The following ARHGAP26 variants were observed in gnomAD, a reference collection of about 807,000 sequenced individuals.
ARHGAP26 encodes Rho GTPase activating protein 26.
In ARHGAP26, 38 loss-of-function variants were observed where a neutral mutation model predicts 104.8. That is an observed-to-expected ratio of 0.36 (90% confidence interval 0.28 to 0.48). The LOEUF is 0.48. ARHGAP26 is among the 20% of genes least tolerant of loss of function. ARHGAP26 has a pLI of 0.99. For synonymous variants in ARHGAP26, 341 were observed against 340.0 expected (o/e 1.00, Z -0.03); for missense variants, 704 against 947.9 (o/e 0.74, Z 3.38).
chr5:142,949,232 G>GAGAGGAGAGAGAGA lies in ARHGAP26; in HGVS notation c.1107+17107_1107+17108insAGAGGAGAGAGAGA, dbSNP rs11369150. ...GAGAGAGAGAGAGAGGAGAGAGAGAGGAGAGAGAGAGAGAGAGAGAGAGAG... is the reference window on the plus strand; with the variant it reads ...GAGAGAGAGAGAGAGGAGAGAGAGAGAGAGGAGAGAGAGAGAGAGAGAGAGAGAGAGAGAGAGAG... On this transcript the variant is annotated intron_variant, in intron 11 of 22. Transcript: ENST00000645722. 3.3e-4 allele frequency among the ~76,000 whole-genome samples: 9 copies of GAGAGGAGAGAGAGA among 27,338 alleles called. 1 individual carries two copies. The highest frequency in any genetic ancestry group is 2.2e-3 in the African/African-American group (7 of 3,250). The allele number at this position is 27,338 out of a possible 152,430, so 17.9% of individuals were successfully genotyped here.
chr5:143,037,980 G>A (rs13180681), intron 13 of ARHGAP26, among the ~76,000 whole-genome samples: 2 of 152,058 alleles, frequency 1.3e-5, no homozygotes, highest in Non-Finnish European at 2.9e-5. Context: ...AAGGAGGCTG[G>A]TTCATCCTGA....
intron 17 of ARHGAP26, among the ~76,000 whole-genome samples, chr5:143,101,704 C>G (rs1169255508): frequency 6.6e-6 from 1 of 151,742 alleles, no homozygotes; most frequent in African/African-American, 2.4e-5. Context: ...TGCTTCCTAC[C>G]TCCCTCTCTC....
intron 11 of ARHGAP26, among the ~76,000 whole-genome samples, chr5:142,954,532 A>G (rs894307885): frequency 1.3e-5 from 2 of 152,138 alleles, no homozygotes; most frequent in African/African-American, 2.4e-5. Context: ...TCTTAAGAAC[A>G]CTCAGGTTCC....
At chr5:143,079,824 T>G (rs984547833) in intron 17 of ARHGAP26, among the ~76,000 whole-genome samples, 1 of 152,078 alleles carries the variant, frequency 6.6e-6, no homozygotes, top group African/African-American at 2.4e-5. Flanking sequence ...GACAGAAGCT[T>G]TGCAGGGCCT....
intron 1 of ARHGAP26, among the ~76,000 whole-genome samples, chr5:142,840,953 C>A (rs1400508069): frequency 6.6e-6 from 1 of 152,132 alleles, no homozygotes; most frequent in Non-Finnish European, 1.5e-5. Context: ...TATGTGTTTT[C>A]CTTGAGATGG....
At chr5:143,079,325 C>CAGA (rs1303658004) in intron 17 of ARHGAP26, among the ~76,000 whole-genome samples, 7 of 152,214 alleles carry the variant, frequency 4.6e-5, no homozygotes, top group Non-Finnish European at 8.8e-5. Context: ...ACTGCTAGAG[C>CAGA]AGAAACCTCC....
At chr5:143,057,153 G>T (rs73796540) in intron 16 of ARHGAP26, among the ~76,000 whole-genome samples, 8,298 of 152,196 alleles carry the variant, frequency 0.055, 780 homozygotes, top group African/African-American at 0.19. Flanking sequence ...TAGCAGGCTG[G>T]TTGTCATATG....
chr5:142,828,926 A>G (rs908195390), intron 1 of ARHGAP26, among the ~76,000 whole-genome samples: 2 of 152,174 alleles, frequency 1.3e-5, no homozygotes, highest in East Asian at 1.9e-4. Flanking sequence ...CCTCAGTCCA[A>G]AGCAGCTAGA....
At chr5:143,160,450 T>TACC (rs1801081183) in intron 20 of ARHGAP26, among the ~76,000 whole-genome samples, 1 of 151,174 alleles carries the variant, frequency 6.6e-6, no homozygotes, top group African/African-American at 2.4e-5. Context: ...GTAAGGCCTT[T>TACC]ACCAAGAAGT....
rs1441581151 is a variant in ARHGAP26 at position 143,150,960 on chromosome 5, C to T, written c.1988+3579C>T. Among the ~76,000 whole-genome samples the T allele has an allele frequency of 2.6e-5, 4 of 152,308 alleles. No homozygotes were observed. In the East Asian group the frequency reaches 5.8e-4, roughly 22 times the overall value. On this transcript the variant is annotated intron_variant, in intron 20 of 22. Transcript: ENST00000645722. ...CTAAAAACTTCTGCTCTGTGAAAGACACTCAAGAGAATGAAAAGACAAGCC... is the reference window on the plus strand; with the variant it reads ...CTAAAAACTTCTGCTCTGTGAAAGATACTCAAGAGAATGAAAAGACAAGCC...
chr5:142,955,016 C>G (rs1048843286), intron 11 of ARHGAP26, among the ~76,000 whole-genome samples: 1 of 152,044 alleles, frequency 6.6e-6, no homozygotes, highest in African/African-American at 2.4e-5. Context: ...CAGTGGCTCA[C>G]GCCTGTAATC....
At chr5:143,147,153 A>T (rs531853727) in intron 19 of ARHGAP26, 78 bp from the exon 20 acceptor site, 8 of 1,467,076 alleles carry the variant, frequency 5.5e-6, no homozygotes, top group Non-Finnish European at 7.4e-6. Context: ...CTTATTCTTT[A>T]TACATTTTTG....
At chr5:142,787,024 G>A (rs1758808896) in intron 1 of ARHGAP26, among the ~76,000 whole-genome samples, 1 of 152,086 alleles carries the variant, frequency 6.6e-6, no homozygotes, top group Non-Finnish European at 1.5e-5. Context: ...ACTCTTAGTC[G>A]GACTGTGAGT....
intron 19 of ARHGAP26, 127 bp from the exon 20 acceptor site, chr5:143,147,082 ATTCTTAACCTTTTCTATGTTGT>A: frequency 1.0e-6 from 1 of 1,000,988 alleles, no homozygotes; most frequent in Non-Finnish European, 1.4e-6. Flanking sequence ...CCCACTTTTA[ATTCTTAACCTTTTCTATGTTGT>A]TTCTTAAGCT....
chr5:143,198,947 A>G (rs1807280392), intron 20 of ARHGAP26, among the ~76,000 whole-genome samples: 2 of 152,320 alleles, frequency 1.3e-5, no homozygotes, highest in South Asian at 4.1e-4. Flanking sequence ...TTTAAGAATT[A>G]TTTTTTAAAG....
At chr5:142,793,093 G>A (rs933575543) in intron 1 of ARHGAP26, among the ~76,000 whole-genome samples, 4 of 151,960 alleles carry the variant, frequency 2.6e-5, no homozygotes, top group African/African-American at 9.7e-5. Context: ...TCCTGCCCTC[G>A]AGTAGTGGGA....
chr5:142,955,116 ACACACACACC>A (rs943028597), intron 11 of ARHGAP26, among the ~76,000 whole-genome samples: 3 of 151,310 alleles, frequency 2.0e-5, no homozygotes, highest in South Asian at 2.1e-4. Flanking sequence ...ACACACACAC[ACACACACACC>A]CCCCATCTCT....
At chr5:142,971,947 C>T (rs187375875) in intron 11 of ARHGAP26, among the ~76,000 whole-genome samples, 33 of 152,122 alleles carry the variant, frequency 2.2e-4, no homozygotes, top group African/African-American at 8.0e-4. Context: ...TTTGGGAGGT[C>T]GAGGCGGGCA....
chr5:142,815,429 C>G (rs1394005593), intron 1 of ARHGAP26, among the ~76,000 whole-genome samples: 1 of 152,216 alleles, frequency 6.6e-6, no homozygotes, highest in East Asian at 1.9e-4. Context: ...AGCAGTTACA[C>G]TGAAGGAGGA....
Sources: gnomAD v4.1 joint callset for allele counts (sites outside exome capture counted in the v4.1 genomes callset) on GRCh38, gnomAD v4.1.1 for gene constraint, MANE v1.5 for transcripts, NCBI Gene and HGNC (gene_info 2026-07-23, HGNC 2026-07-21) for gene names.